Variants in CAMKMT observed in about 807,000 individuals in gnomAD.
CAMKMT encodes CaM KMT.
In CAMKMT, 53 loss-of-function variants were observed where a neutral mutation model predicts 48.0. That is an observed-to-expected ratio of 1.10 (90% CI 0.89 to 1.39). The LOEUF (loss-of-function observed/expected upper bound fraction) is 1.39. Ranked by LOEUF, CAMKMT falls within the 40% of genes most tolerant of loss-of-function variation. The pLI is 0.00. For missense variants in CAMKMT, 428 were observed against 402.7 expected, an observed-to-expected ratio of 1.06 and a Z score of -0.54; for synonymous variants, 165 against 152.3, an observed-to-expected ratio of 1.08 and a Z score of -0.61.
chr2:44,467,258 C>T (rs191898279), intron 3 of CAMKMT, among the ~76,000 whole-genome samples: 1 of 150,524 alleles, frequency 6.6e-6, no homozygotes, highest in East Asian at 2.0e-4. Flanking sequence ...CAAAAACAAA[C>T]AGGTGGCTCA....
intron 3 of CAMKMT, among the ~76,000 whole-genome samples, chr2:44,610,977 G>A (rs979256366): frequency 1.3e-5 from 2 of 152,036 alleles, no homozygotes; most frequent in African/African-American, 4.8e-5. Context: ...AGTGTTAGTG[G>A]GCAGAATAAA....
chr2:44,469,979 T>A lies in CAMKMT; in HGVS notation c.376+79674T>A, dbSNP rs1469632173. ...TATCTTCTATTGCTTTCTTAATTTC[T>A]TCTAGCTTGTTTGGACATAATAAGT... On this transcript the variant is annotated intron_variant, in intron 3 of 10. Transcript: ENST00000378494. 2.0e-5 allele frequency among the ~76,000 whole-genome samples: 3 copies of A among 152,190 alleles called. No individual in the cohort carries two copies. In the South Asian group the frequency reaches 6.2e-4, roughly 32 times the overall value.
intron 3 of CAMKMT, among the ~76,000 whole-genome samples, chr2:44,425,426 A>G (rs1473570453): frequency 6.6e-6 from 1 of 152,230 alleles, no homozygotes; most frequent in Non-Finnish European, 1.5e-5. Context: ...TCGTAGAAGT[A>G]TAAAGACAAG....
intron 3 of CAMKMT, among the ~76,000 whole-genome samples, chr2:44,658,280 A>G (rs1024487664): frequency 6.6e-6 from 1 of 152,206 alleles, no homozygotes; most frequent in Non-Finnish European, 1.5e-5. Context: ...TCCTGTTTCA[A>G]TGTCCATTTA....
chr2:44,417,969 G>C (rs1366495104), intron 3 of CAMKMT, among the ~76,000 whole-genome samples: 1 of 152,120 alleles, frequency 6.6e-6, no homozygotes, highest in African/African-American at 2.4e-5. Context: ...GAGGCGGGTA[G>C]ATACCTGAGG....
chr2:44,669,642 T>C (rs1558784100), intron 3 of CAMKMT, among the ~76,000 whole-genome samples: 1 of 152,066 alleles, frequency 6.6e-6, no homozygotes, highest in African/African-American at 2.4e-5. Context: ...GTTTTTTTTT[T>C]CTTTCTTTTT....
At chr2:44,651,484 G>T (rs1235473821) in intron 3 of CAMKMT, among the ~76,000 whole-genome samples, 1 of 152,184 alleles carries the variant, frequency 6.6e-6, no homozygotes, top group African/African-American at 2.4e-5. Flanking sequence ...AGGAGTTTAA[G>T]ACCAGCCTGG....
At chr2:44,667,184 C>A (rs1325017961) in intron 3 of CAMKMT, among the ~76,000 whole-genome samples, 2 of 152,184 alleles carry the variant, frequency 1.3e-5, no homozygotes. Context: ...GCTTTAGGAT[C>A]CAACAGTTCC....
At chr2:44,415,306 T>G (rs1381877899) in intron 3 of CAMKMT, among the ~76,000 whole-genome samples, 1 of 152,194 alleles carries the variant, frequency 6.6e-6, no homozygotes, top group Non-Finnish European at 1.5e-5. Flanking sequence ...GAAAATGACT[T>G]GTTTTTAAAT....
At chr2:44,545,250 C>A (rs576355788) in intron 3 of CAMKMT, among the ~76,000 whole-genome samples, 1 of 152,228 alleles carries the variant, frequency 6.6e-6, no homozygotes, top group Non-Finnish European at 1.5e-5. Context: ...ATTAGCAATG[C>A]GAGTTCCAAA....
chr2:44,530,481 A>T (rs749508877), intron 3 of CAMKMT, among the ~76,000 whole-genome samples: 1 of 152,196 alleles, frequency 6.6e-6, no homozygotes, highest in Non-Finnish European at 1.5e-5. Flanking sequence ...AACTGAAAAG[A>T]TTAGCTACAT....
chr2:44,466,923 A>G (rs575147119), intron 3 of CAMKMT, among the ~76,000 whole-genome samples: 1 of 152,344 alleles, frequency 6.6e-6, no homozygotes, highest in East Asian at 1.9e-4. Flanking sequence ...ATAAATTTCT[A>G]GAAACATATA....
intron 7 of CAMKMT, among the ~76,000 whole-genome samples, chr2:44,718,659 C>T (rs1678298139): frequency 6.6e-6 from 1 of 152,140 alleles, no homozygotes; most frequent in Non-Finnish European, 1.5e-5. Flanking sequence ...ATTTCTAGGT[C>T]TTCCAGAATT....
At position 44,772,212 on chromosome 2, in the gene CAMKMT, C is replaced by T. The variant is rs936372592; in HGVS notation, c.*99C>T. The stretch of plus-strand genomic sequence containing the variant: ...AAGGGGTATAATCGCCTGCCTGCGC[C>T]CTTTGCAGCATTTCACGTGTGGGCT... On this transcript the variant is annotated 3_prime_UTR_variant, in exon 11 of 11. Transcript: ENST00000378494. 2.1e-6 allele frequency: 2 copies of T among 956,986 alleles called. No individual in the cohort carries two copies. Among genetic ancestry groups the T allele is most frequent in the Middle Eastern group, 4.3e-4 (2 of 4,696 alleles). The allele number at this position is 956,986 out of a possible 1,614,324, so 59.3% of individuals were successfully genotyped here. A position where few individuals can be genotyped will look rare whatever the true frequency, so the allele number is the denominator to read the frequency against.
Position 44,592,566 on chromosome 2 carries a change from C to G in CAMKMT, c.377-111717C>G, listed in dbSNP as rs144556522. ...GCCCCAAAGTGCAAGACCAACGATGCTGGCATATTGTTATAATTGTTCTGT... is the reference window on the plus strand; with the variant it reads ...GCCCCAAAGTGCAAGACCAACGATGGTGGCATATTGTTATAATTGTTCTGT... On this transcript the variant is annotated intron_variant, in intron 3 of 10. Transcript: ENST00000378494. Among the ~76,000 whole-genome samples the G allele has an allele frequency of 2.6e-5, 4 of 152,234 alleles. No individual in the cohort carries two copies. The East Asian group carries it at 5.8e-4, about 22-fold the overall frequency.
At chr2:44,524,417 C>A (rs1671293512) in intron 3 of CAMKMT, among the ~76,000 whole-genome samples, 1 of 152,094 alleles carries the variant, frequency 6.6e-6, no homozygotes, top group African/African-American at 2.4e-5. Flanking sequence ...AACATTTCTA[C>A]CCAAAGGTGC....
At chr2:44,520,409 A>C (rs984636858) in intron 3 of CAMKMT, among the ~76,000 whole-genome samples, 1 of 152,206 alleles carries the variant, frequency 6.6e-6, no homozygotes, top group African/African-American at 2.4e-5. Context: ...GAGCCACTGC[A>C]TCCAGCCCTC....
Position 44,464,017 on chromosome 2 carries a change from C to T in CAMKMT, c.376+73712C>T, listed in dbSNP as rs1337018329. 2.6e-5 allele frequency among the ~76,000 whole-genome samples: 4 copies of T among 151,848 alleles called. No individual in the cohort carries two copies. In the South Asian group the frequency reaches 8.3e-4, roughly 32 times the overall value. ...CGAAGAAACAGAGATCTATTAGTTA[C>T]CTGAAAAAGAATTTATGATAATCTT... On this transcript the variant is annotated intron_variant, in intron 3 of 10. Transcript: ENST00000378494.
At chr2:44,513,424 T>C (rs1432666905) in intron 3 of CAMKMT, among the ~76,000 whole-genome samples, 1 of 152,228 alleles carries the variant, frequency 6.6e-6, no homozygotes, top group East Asian at 1.9e-4. Flanking sequence ...AATTTGCTAT[T>C]CCATTGCATC....
Sources: gnomAD v4.1 joint callset for allele counts (sites outside exome capture counted in the v4.1 genomes callset) on GRCh38, gnomAD v4.1.1 for gene constraint, MANE v1.5 for transcripts, NCBI Gene and HGNC (gene_info 2026-07-23, HGNC 2026-07-21) for gene names.